NLRP13: variants seen among roughly 807,000 people sequenced by gnomAD.
NLRP13 encodes NACHT, LRR and PYD domains-containing protein 13.
In NLRP13, 82 loss-of-function variants were observed where a neutral mutation model predicts 94.4. The ratio of observed to expected loss-of-function variants is 0.87; its 90% CI spans 0.73 to 1.04. The LOEUF is 1.04. NLRP13 is among the 50% of genes least tolerant of loss of function. The probability of loss-of-function intolerance (pLI) is 0.00; values close to 1 mark genes in which losing one functional copy is unlikely to be tolerated. For synonymous variants in NLRP13, 553 were observed against 464.7 expected (o/e 1.19, Z -2.45); for missense variants, 1,426 against 1,230.8 (o/e 1.16, Z -2.37).
downstream of NLRP13, among the ~76,000 whole-genome samples, chr19:55,893,217 C>T (rs1015662148): frequency 6.6e-6 from 1 of 151,970 alleles, no homozygotes; most frequent in African/African-American, 2.4e-5. Context: ...GGAGAAACCC[C>T]ATCTCTACTA....
rs1568684884 is a variant in NLRP13 at position 55,896,049 on chromosome 19, G to A, written c.3028C>T (p.Leu1010=). 2 of 1,614,182 alleles carry A rather than the reference G, an allele frequency of 1.2e-6. No homozygotes were observed. The highest frequency in any genetic ancestry group is 8.5e-7 in the Non-Finnish European group (1 of 1,180,020). The change falls in exon 11 of 11, where the codon CTG becomes TTG. Residue 1010 remains leucine (L), a synonymous_variant. Coordinates refer to ENST00000342929, the MANE Select transcript of NLRP13 (RefSeq NM_176810.2). ...TTGCCTAGAAGGTTCAGATTGACCA[G>A]GCTCTTACTGCTGCTGAGAACAGAG... ...LFSVLSSSKS[L]VNLNLLGNEL...
At chr19:55,894,487 T>C (rs927463455), downstream of NLRP13, among the ~76,000 whole-genome samples, 2 of 152,154 alleles carry the variant, frequency 1.3e-5, no homozygotes, top group Non-Finnish European at 2.9e-5. Context: ...ACATCCTCAG[T>C]ACATTCCACC....
chr19:55,916,925 A>G (rs1449901328), intron 4 of NLRP13, among the ~76,000 whole-genome samples: 1 of 152,170 alleles, frequency 6.6e-6, no homozygotes, highest in Non-Finnish European at 1.5e-5. Flanking sequence ...CATCAGACTA[A>G]GTTTAATGTG....
At chr19:55,931,451 G>T (rs890819108) in intron 1 of NLRP13, among the ~76,000 whole-genome samples, 1 of 151,968 alleles carries the variant, frequency 6.6e-6, no homozygotes, top group Non-Finnish European at 1.5e-5. Flanking sequence ...GCTCACGCCT[G>T]TAATCCCAGT....
chr19:55,920,888 G>GTGTA (rs913510666), intron 4 of NLRP13, among the ~76,000 whole-genome samples: 21 of 152,014 alleles, frequency 1.4e-4, no homozygotes, highest in Admixed American at 9.2e-4. Context: ...AGAAAATGTG[G>GTGTA]TGTATGTATG....
intron 9 of NLRP13, among the ~76,000 whole-genome samples, 165 bp downstream of exon 9, chr19:55,901,870 C>G (rs900669404): frequency 3.5e-4 from 53 of 152,110 alleles, no homozygotes; most frequent in African/African-American, 1.2e-3. Flanking sequence ...CATTCACGGT[C>G]CTCCCACTTT....
At chr19:55,898,394 G>A (rs748891569) in intron 10 of NLRP13, among the ~76,000 whole-genome samples, 1 of 152,096 alleles carries the variant, frequency 6.6e-6, no homozygotes, top group African/African-American at 2.4e-5. Flanking sequence ...ATTTTTAGTA[G>A]AGATGGGGTT....
chr19:55,921,757 G>A (rs1455627801), intron 4 of NLRP13, among the ~76,000 whole-genome samples: 1 of 152,116 alleles, frequency 6.6e-6, no homozygotes, highest in African/African-American at 2.4e-5. Context: ...CAGACACTCA[G>A]AGGAAAAGAC....
At chr19:55,899,471 A>T (rs2123104193) in intron 9 of NLRP13, among the ~76,000 whole-genome samples, 1 of 150,246 alleles carries the variant, frequency 6.7e-6, no homozygotes, top group South Asian at 2.1e-4. Flanking sequence ...AAAATCCTTA[A>T]ACCCACCCCC....
intron 7 of NLRP13, among the ~76,000 whole-genome samples, chr19:55,905,454 C>CATATATACACACATATATACATAT (rs200666303): frequency 1.1e-4 from 17 of 148,848 alleles, no homozygotes; most frequent in Admixed American, 8.8e-4. Flanking sequence ...TATATATATA[C>CATATATACACACATATATACATAT]ATATATACAC....
At chr19:55,900,509 C>T (rs371052407) in intron 9 of NLRP13, among the ~76,000 whole-genome samples, 4 of 151,992 alleles carry the variant, frequency 2.6e-5, no homozygotes, top group Non-Finnish European at 4.4e-5. Flanking sequence ...CGGTGGCTCA[C>T]GCCTGTAATC....
Position 55,912,459 on chromosome 19 carries a change from G to A in NLRP13, c.1358C>T (p.Thr453Ile). The A allele has an allele frequency of 6.2e-7, 1 of 1,614,184 alleles. No homozygotes were observed. Residue 453 changes from threonine (T) to isoleucine (I), a missense_variant, in exon 5 of 11, where the codon ACC becomes ATC. By Grantham distance (89) the Thr-to-Ile change is moderately conservative. Coordinates refer to ENST00000342929, the MANE Select transcript of NLRP13 (RefSeq NM_176810.2). ...GGAGAAAAAATAGGCATACAGACTG[G>A]TGGTAGTCTGAGTGATTGACTGGAG... ...YDLQSITQTT[T>I]SLYAYFFSNL...
chr19:55,907,151 G>A (rs939851175), intron 7 of NLRP13, among the ~76,000 whole-genome samples: 3 of 151,842 alleles, frequency 2.0e-5, no homozygotes, highest in Non-Finnish European at 2.9e-5. Context: ...GTAGAGACGG[G>A]GTTTCACCGT....
rs1248236063 is a variant in NLRP13, at chr19:55,912,365, G to T, written c.1452C>A (p.Cys484Ter). The T allele has an allele frequency of 2.5e-6, 4 of 1,614,024 alleles. No individual in the cohort carries two copies. Among genetic ancestry groups the T allele is most frequent in the Non-Finnish European group, 3.4e-6 (4 of 1,179,956 alleles). ...DSWPGQWRALCSLAIEGLWSM... is the reference protein window; with the variant it reads ...DSWPGQWRAL ...ACCACAGCCCTTCTATGGCCAGACT[G>T]CAGAGGGCCCTCCATTGTCCTGGCC... is the stretch of plus-strand genomic sequence containing the variant. The change falls in exon 5 of 11, where the codon TGC becomes TGA. Residue 484 changes from cysteine (C) to a stop codon, truncating the protein, a stop_gained. Transcript: ENST00000342929. LOFTEE classifies it high-confidence loss of function.
chr19:55,904,787 C>T (rs1986288443), intron 8 of NLRP13, among the ~76,000 whole-genome samples, 155 bp downstream of exon 8: 1 of 152,126 alleles, frequency 6.6e-6, no homozygotes, highest in Non-Finnish European at 1.5e-5. Context: ...CAGGATGCTA[C>T]TCTGAATCTG....
intron 4 of NLRP13, among the ~76,000 whole-genome samples, chr19:55,921,231 T>C (rs574220685): frequency 2.0e-5 from 3 of 152,298 alleles, no homozygotes; most frequent in South Asian, 2.1e-4. Context: ...GATATATCCA[T>C]GTAACAAAAT....
Position 55,913,166 on chromosome 19 carries a change from G to A in NLRP13, c.651C>T (p.Arg217=), listed in dbSNP as rs731338. Residue 217 remains arginine (R), a synonymous_variant, in exon 5 of 11, where the codon CGC becomes CGT. Transcript: ENST00000342929. ...CTCTAGTCCTATTAGGATCCAGTAG[G>A]CGCTGCAGTTCCTCATGTTCGTCCT... ...TSKDEHEELQ[R]LLDPNRTRAQ... The A allele has an allele frequency of 0.13, 206,156 of 1,613,838 alleles. 13,989 individuals carry two copies. The highest frequency in any genetic ancestry group is 0.19 in the East Asian group (8,539 of 44,854).
Position 55,905,122 on chromosome 19 carries a change from G to A in NLRP13, c.2448-10C>T. 2.5e-6 allele frequency: 4 copies of A among 1,613,208 alleles called. No homozygotes were observed. Among genetic ancestry groups the A allele is most frequent in the South Asian group, 1.1e-5 (1 of 91,014 alleles). ...GTTGCATTTCTCCAGGCTGTGGAAG[G>A]TGCAGGTGCAAGGTGAGCCTCAGCC... On this transcript the variant is annotated splice_polypyrimidine_tract_variant and intron_variant, in intron 7 of 10. Coordinates refer to ENST00000342929, the MANE Select transcript of NLRP13 (RefSeq NM_176810.2).
downstream of NLRP13, chr19:55,892,020 T>C: frequency 9.3e-7 from 1 of 1,078,088 alleles, no homozygotes; most frequent in Non-Finnish European, 1.2e-6. Flanking sequence ...CCACTTGTCT[T>C]CAAGGTCATT....
Sources: allele counts gnomAD v4.1 joint callset (sites outside exome capture counted in the v4.1 genomes callset), GRCh38; gene constraint gnomAD v4.1.1; transcripts MANE v1.5; gene names NCBI Gene and HGNC (gene_info 2026-07-23, HGNC 2026-07-21).